The following GBE1 variants were observed in gnomAD, a reference collection of about 807,000 sequenced individuals.
The protein encoded by GBE1 is 1,4-alpha-glucan branching enzyme 1, also known as 1,4-alpha-glucan-branching enzyme.
GBE1 carries 70 observed loss-of-function variants against 88.8 expected under a neutral mutation model. The ratio of observed to expected loss-of-function variants is 0.79; its 90% CI spans 0.65 to 0.96. The LOEUF is 0.96. GBE1 is among the 40% of genes least tolerant of loss of function. The pLI, the probability that GBE1 is intolerant of heterozygous loss-of-function variation, is 0.00. For synonymous variants in GBE1, 284 were observed against 300.1 expected (o/e 0.95, Z 0.56); for missense variants, 872 against 871.0 (o/e 1.00, Z -0.01).
Position 81,570,259 on chromosome 3 carries a change from T to C in GBE1, c.1618+7666A>G, listed in dbSNP as rs137908138. On this transcript the variant is annotated intron_variant, in intron 12 of 15. Coordinates refer to ENST00000429644, the MANE Select transcript of GBE1 (RefSeq NM_000158.4). ...AAAAAAATTCTTAAAGGCATGCAGT[T>C]GACATATTTTACAGAAATCTATGGG... Among the ~76,000 whole-genome samples, 432 of 152,316 alleles carry C rather than the reference T, an allele frequency of 2.8e-3. 1 individual carries two copies. The highest frequency in any genetic ancestry group is 5.4e-3 in the South Asian group (26 of 4,826).
chr3:81,572,054 C>T (rs1016619382), intron 12 of GBE1, among the ~76,000 whole-genome samples: 14 of 152,102 alleles, frequency 9.2e-5, no homozygotes, highest in Admixed American at 8.5e-4. Flanking sequence ...ATCATGGGGG[C>T]AGTTTCCCCC....
At chr3:81,536,870 C>T in intron 13 of GBE1, 41 bp downstream of exon 13, 1 of 1,478,370 alleles carries the variant, frequency 6.8e-7, no homozygotes, top group Non-Finnish European at 9.1e-7. Flanking sequence ...GCATGTACCT[C>T]ATTGGTGACT....
intron 1 of GBE1, among the ~76,000 whole-genome samples, chr3:81,712,292 C>T (rs1461191831): frequency 1.3e-5 from 2 of 152,134 alleles, no homozygotes; most frequent in African/African-American, 2.4e-5. Flanking sequence ...CCCAGCCATC[C>T]CATTATTGGG....
chr3:81,741,754 T>C (rs1055883321), intron 1 of GBE1, among the ~76,000 whole-genome samples: 3 of 149,496 alleles, frequency 2.0e-5, no homozygotes, highest in Non-Finnish European at 4.4e-5. Context: ...AAAAGTATAA[T>C]ACTCTATATA....
In GBE1 at chr3:81,574,453, A is replaced by T. The variant is rs182566280; in HGVS notation, c.1618+3472T>A. On this transcript the variant is annotated intron_variant, in intron 12 of 15. Transcript: ENST00000429644. ...CACTGAGCCGATGAAGGCATAGTTG[A>T]TGCATCTTACCCAGATCACACAGCC... Among the ~76,000 whole-genome samples, 31 of 152,338 alleles carry T rather than the reference A, an allele frequency of 2.0e-4. No homozygotes were observed. The South Asian group carries it at 5.4e-3, about 26-fold the overall frequency.
chr3:81,742,987 C>T (rs1706371392), intron 1 of GBE1, among the ~76,000 whole-genome samples: 1 of 152,092 alleles, frequency 6.6e-6, no homozygotes, highest in African/African-American at 2.4e-5. Flanking sequence ...ACAGAACAAG[C>T]TAGACCAGAC....
At chr3:81,522,681 A>C (rs887137700) in intron 14 of GBE1, among the ~76,000 whole-genome samples, 2 of 151,600 alleles carry the variant, frequency 1.3e-5, no homozygotes, top group Admixed American at 1.3e-4. Context: ...AAAAGCAATA[A>C]TGTATGTGAA....
intron 2 of GBE1, among the ~76,000 whole-genome samples, chr3:81,697,898 G>A (rs1473899969): frequency 6.6e-6 from 1 of 151,462 alleles, no homozygotes; most frequent in Non-Finnish European, 1.5e-5. Context: ...AAGGGACATG[G>A]GAATTGTGAG....
chr3:81,528,377 T>A (rs775650694), intron 14 of GBE1, among the ~76,000 whole-genome samples: 12 of 151,950 alleles, frequency 7.9e-5, no homozygotes, highest in Non-Finnish European at 1.6e-4. Context: ...AGTATAATTT[T>A]AAAAAAAGAC....
At chr3:81,747,978 C>T (rs1170695630) in intron 1 of GBE1, among the ~76,000 whole-genome samples, 2 of 152,062 alleles carry the variant, frequency 1.3e-5, no homozygotes, top group Non-Finnish European at 2.9e-5. Context: ...CACACGGACG[C>T]GCATGAAAGC....
At chr3:81,740,059 T>C (rs1407979243) in intron 1 of GBE1, among the ~76,000 whole-genome samples, 1 of 151,916 alleles carries the variant, frequency 6.6e-6, no homozygotes, top group African/African-American at 2.4e-5. Context: ...ACCCCATCTC[T>C]ACAAAAAATT....
intron 7 of GBE1, among the ~76,000 whole-genome samples, chr3:81,608,933 G>A (rs1279314653): frequency 1.3e-5 from 2 of 152,132 alleles, no homozygotes; most frequent in African/African-American, 4.8e-5. Context: ...CCTTCATAAG[G>A]AAACGTTGAC....
intron 15 of GBE1, among the ~76,000 whole-genome samples, chr3:81,494,278 T>C (rs141402736): frequency 6.6e-5 from 10 of 152,288 alleles, no homozygotes; most frequent in African/African-American, 1.9e-4. Context: ...CTACTACTGA[T>C]TATACTAAAG....
intron 11 of GBE1, among the ~76,000 whole-genome samples, chr3:81,578,507 T>A (rs532660344): frequency 3.3e-5 from 5 of 151,038 alleles, no homozygotes; most frequent in African/African-American, 9.7e-5. Flanking sequence ...ATCATTGATA[T>A]ATAATATATA....
chr3:81,506,219 C>T (rs527735559), intron 14 of GBE1, among the ~76,000 whole-genome samples: 2 of 152,010 alleles, frequency 1.3e-5, no homozygotes, highest in Non-Finnish European at 2.9e-5. Context: ...AGGAAAAAAA[C>T]AAACACACCA....
chr3:81,501,678 T>G (rs185658597), intron 14 of GBE1, among the ~76,000 whole-genome samples: 22 of 140,626 alleles, frequency 1.6e-4, no homozygotes, highest in South Asian at 4.5e-4. Context: ...CTCATTTACT[T>G]AGGGGCACTT....
At chr3:81,527,242 T>A (rs574083141) in intron 14 of GBE1, among the ~76,000 whole-genome samples, 1 of 152,218 alleles carries the variant, frequency 6.6e-6, no homozygotes, top group African/African-American at 2.4e-5. Context: ...AATATTTACA[T>A]GTTAGACCTA....
chr3:81,627,821 C>G (rs1343986244), intron 7 of GBE1, among the ~76,000 whole-genome samples: 1 of 150,178 alleles, frequency 6.7e-6, no homozygotes, highest in Non-Finnish European at 1.5e-5. Context: ...ACTTTGTCAC[C>G]CAGGCTGGAA....
At chr3:81,536,867 C>T (rs747981375) in intron 13 of GBE1, 44 bp downstream of exon 13, 2 of 1,455,340 alleles carry the variant, frequency 1.4e-6, no homozygotes, top group Non-Finnish European at 1.9e-6. Flanking sequence ...TAGGCATGTA[C>T]CTCATTGGTG....
Sources: gnomAD v4.1 joint callset for allele counts (sites outside exome capture counted in the v4.1 genomes callset) on GRCh38, gnomAD v4.1.1 for gene constraint, MANE v1.5 for transcripts, NCBI Gene and HGNC (gene_info 2026-07-23, HGNC 2026-07-21) for gene names.